Variants in TP63 observed in about 807,000 individuals in gnomAD.
The protein encoded by TP63 is tumor protein 63.
TP63 carries 17 observed loss-of-function variants against 82.8 expected under a neutral mutation model. The ratio of observed to expected loss-of-function variants is 0.21; its 90% CI spans 0.14 to 0.31. The LOEUF (loss-of-function observed/expected upper bound fraction) is 0.31. Among genes scored for constraint, TP63 ranks in the 10% least tolerant of loss-of-function variants. TP63 has a pLI of 1.00. For synonymous variants in TP63, 330 were observed against 321.7 expected, an observed-to-expected ratio of 1.03 and a Z score of -0.28; for missense variants, 648 against 895.3, an observed-to-expected ratio of 0.72 and a Z score of 3.52.
chr3:189,831,719 G>C (rs184565123), intron 4 of TP63, among the ~76,000 whole-genome samples: 24 of 151,390 alleles, frequency 1.6e-4, no homozygotes, highest in African/African-American at 5.8e-4. Context: ...AATTAAAGTG[G>C]TATTTGGCTG....
intron 3 of TP63, among the ~76,000 whole-genome samples, chr3:189,775,548 C>T (rs186860310): frequency 1.6e-4 from 24 of 152,236 alleles, no homozygotes; most frequent in Admixed American, 5.2e-4. Flanking sequence ...CTCTTTGGAT[C>T]GAGTTTTTTG....
chr3:189,775,425 C>A (rs1315105693), intron 3 of TP63, among the ~76,000 whole-genome samples: 1 of 152,012 alleles, frequency 6.6e-6, no homozygotes, highest in Non-Finnish European at 1.5e-5. Context: ...TAGGTTCTAC[C>A]CTTTCAGTAT....
chr3:189,656,872 A>T (rs1713416285), intron 1 of TP63, among the ~76,000 whole-genome samples: 1 of 152,116 alleles, frequency 6.6e-6, no homozygotes, highest in Non-Finnish European at 1.5e-5. Context: ...AAAATAGACA[A>T]CTTTATTATT....
chr3:189,611,427 C>G, the TP63 span, among the ~76,000 whole-genome samples: 3 of 152,106 alleles, frequency 2.0e-5, no homozygotes, highest in Admixed American at 6.5e-5. Context: ...TTGTTTTTGT[C>G]AGCTTTGTGA....
At chr3:189,760,693 C>G (rs1489947537) in intron 3 of TP63, among the ~76,000 whole-genome samples, 2 of 152,206 alleles carry the variant, frequency 1.3e-5, no homozygotes, top group African/African-American at 4.8e-5. Flanking sequence ...CCTCTTCTTA[C>G]AACTCCACTA....
At chr3:189,803,639 C>T (rs540255652) in intron 3 of TP63, among the ~76,000 whole-genome samples, 14 of 152,250 alleles carry the variant, frequency 9.2e-5, no homozygotes, top group South Asian at 8.3e-4. Flanking sequence ...GGGAATATGT[C>T]GAGTCCATGT....
intron 4 of TP63, among the ~76,000 whole-genome samples, chr3:189,818,302 G>A (rs1728414125): frequency 6.6e-6 from 1 of 151,920 alleles, no homozygotes. Flanking sequence ...TAATAGATAT[G>A]TTTAACTCTA....
intron 4 of TP63, among the ~76,000 whole-genome samples, chr3:189,823,694 A>T (rs1402538016): frequency 6.6e-6 from 1 of 152,114 alleles, no homozygotes; most frequent in Non-Finnish European, 1.5e-5. Context: ...GACCTTGACG[A>T]ATCACTTCCT....
At position 189,889,476 on chromosome 3, in the gene TP63, C is replaced by A; in HGVS notation, c.1644C>A (p.Ser548Arg). 6.2e-7 allele frequency: 1 copy of A among 1,614,210 alleles called. No individual in the cohort carries two copies. Among genetic ancestry groups the A allele is most frequent in the Non-Finnish European group, 8.5e-7 (1 of 1,180,028 alleles). Reference protein sequence around the residue: ...TPPPPYPTDCSIVSFLARLGC... With the variant: ...TPPPPYPTDCRIVSFLARLGC... ...CACCTCCGTATCCCACAGATTGCAG[C>A]ATTGTCAGGTGAGTCCACAGCATGT... Residue 548 changes from serine to arginine, a missense_variant, in exon 12 of 14, where the codon AGC (serine) becomes AGA (arginine). Ser to Arg is a moderately radical substitution (Grantham distance 110, BLOSUM62 -1). Transcript: ENST00000264731.
intron 10 of TP63, among the ~76,000 whole-genome samples, chr3:189,879,471 A>G (rs1577180723): frequency 6.6e-6 from 1 of 152,234 alleles, no homozygotes; most frequent in South Asian, 2.1e-4. Context: ...GGAATATCCA[A>G]AATACTCATT....
intron 10 of TP63, chr3:189,873,437 T>C: frequency 4.2e-6 from 1 of 238,368 alleles, no homozygotes; most frequent in South Asian, 5.8e-5. Context: ...GGATAGCAAA[T>C]AGGCTTTACT....
At chr3:189,771,425 A>G (rs1171767153) in intron 3 of TP63, among the ~76,000 whole-genome samples, 1 of 140,698 alleles carries the variant, frequency 7.1e-6, no homozygotes, top group African/African-American at 2.6e-5. Flanking sequence ...ATATAATTAT[A>G]TATAAATCTA....
intron 9 of TP63, 77 bp downstream of exon 9, chr3:189,869,483 T>C: frequency 3.8e-6 from 5 of 1,329,738 alleles, no homozygotes; most frequent in Non-Finnish European, 5.3e-6. Context: ...GATCATCATC[T>C]CATTATCTGT....
rs188503713 is a variant in TP63 at position 189,719,662 on chromosome 3, C to A, written c.63-18078C>A. On this transcript the variant is annotated intron_variant, in intron 1 of 13. Coordinates refer to ENST00000264731, the MANE Select transcript of TP63 (RefSeq NM_003722.5). ...AGGTTGAAAGCAGTCATAGACTACA[C>A]CTAAACAAATGAGCATGGCTTAAAC... Among the ~76,000 whole-genome samples, 48 of 152,258 alleles carry A rather than the reference C, an allele frequency of 3.2e-4. 1 individual carries two copies. The highest frequency in any genetic ancestry group is 2.9e-4 in the Non-Finnish European group (20 of 68,012).
chr3:189,746,456 A>G (rs2108514311), intron 3 of TP63, among the ~76,000 whole-genome samples: 1 of 152,222 alleles, frequency 6.6e-6, no homozygotes, highest in East Asian at 1.9e-4. Context: ...TTTACCGTCA[A>G]GAAAACACAT....
chr3:189,736,685 A>G (rs1560145765), intron 1 of TP63, among the ~76,000 whole-genome samples: 2 of 152,128 alleles, frequency 1.3e-5, no homozygotes, highest in African/African-American at 2.4e-5. Flanking sequence ...ACTTGAGCAA[A>G]TGAATGTGCT....
At chr3:189,875,613 T>TATATATATATATATATACACAC (rs1719030901) in intron 10 of TP63, among the ~76,000 whole-genome samples, 4 of 105,492 alleles carry the variant, frequency 3.8e-5, no homozygotes, top group Non-Finnish European at 7.7e-5. Flanking sequence ...TATATATATA[T>TATATATATATATATATACACAC]ATATATATAT....
At chr3:189,639,832 A>C (rs767950828) in intron 1 of TP63, among the ~76,000 whole-genome samples, 3 of 152,156 alleles carry the variant, frequency 2.0e-5, no homozygotes, top group Non-Finnish European at 4.4e-5. Flanking sequence ...ATAATAGAAC[A>C]TATACAGGTT....
intron 1 of TP63, among the ~76,000 whole-genome samples, chr3:189,674,898 G>A (rs544261889): frequency 6.6e-6 from 1 of 152,224 alleles, no homozygotes; most frequent in African/African-American, 2.4e-5. Flanking sequence ...AAACGGGTTA[G>A]GTTTTCTTCA....
Sources: gnomAD v4.1 joint callset for allele counts (sites outside exome capture counted in the v4.1 genomes callset) on GRCh38, gnomAD v4.1.1 for gene constraint, MANE v1.5 for transcripts, NCBI Gene and HGNC (gene_info 2026-07-23, HGNC 2026-07-21) for gene names.